Variants in MIGA1 observed in about 807,000 individuals in gnomAD.
MIGA1 encodes mitoguardin 1.
A neutral mutation model predicts 82.0 loss-of-function variants in MIGA1; 58 were observed. The ratio of observed to expected loss-of-function variants is 0.71; its 90% confidence interval spans 0.57 to 0.88. The LOEUF is 0.88. MIGA1 is among the 40% of genes least tolerant of loss of function. The pLI, the probability that MIGA1 is intolerant of heterozygous loss-of-function variation, is 0.00. For missense variants in MIGA1, 751 were observed against 749.1 expected, an observed-to-expected ratio of 1.00 and a Z score of -0.03; for synonymous variants, 249 against 253.6, an observed-to-expected ratio of 0.98 and a Z score of 0.17.
At chr1:77,825,417 C>T (rs1036460745) in intron 7 of MIGA1, among the ~76,000 whole-genome samples, 3 of 152,104 alleles carry the variant, frequency 2.0e-5, no homozygotes, top group Non-Finnish European at 2.9e-5. Context: ...ACTTATAAGA[C>T]CGTTTAGTGC....
At chr1:77,821,983 T>C (rs1191314258) in intron 7 of MIGA1, among the ~76,000 whole-genome samples, 2 of 152,196 alleles carry the variant, frequency 1.3e-5, no homozygotes, top group Non-Finnish European at 2.9e-5. Context: ...TTAATAATAC[T>C]GTGTTGCATA....
chr1:77,793,208 A>G (rs562134816), intron 2 of MIGA1, among the ~76,000 whole-genome samples: 3 of 151,832 alleles, frequency 2.0e-5, no homozygotes, highest in Admixed American at 1.3e-4. Flanking sequence ...GGCTCAAGCA[A>G]TTCTCTCACT....
At chr1:77,780,177 G>A in intron 1 of MIGA1, 1 of 988,896 alleles carries the variant, frequency 1.0e-6, no homozygotes, top group African/African-American at 1.7e-5. Context: ...TGGGGTCGGG[G>A]GAGAGCGCGC....
chr1:77,874,855 C>T lies in MIGA1; in HGVS notation c.1690C>T (p.Leu564Phe). ...TATGTTCATTTTCCAGAATCAAGTT[C>T]TTTTATTTCTCAAAGACATTTTTGA... The change falls in exon 16 of 16, where the codon CTT becomes TTT. Residue 564 changes from leucine to phenylalanine, a missense_variant. By Grantham distance (22) the Leu-to-Phe change is conservative. Coordinates refer to ENST00000370791, the MANE Select transcript of MIGA1 (RefSeq NM_198549.4). 6.2e-7 allele frequency: 1 copy of T among 1,612,476 alleles called. No homozygotes were observed. Among genetic ancestry groups the T allele is most frequent in the Non-Finnish European group, 8.5e-7 (1 of 1,179,154 alleles).
At chr1:77,835,224 A>T (rs1312865351) in intron 7 of MIGA1, among the ~76,000 whole-genome samples, 1 of 152,176 alleles carries the variant, frequency 6.6e-6, no homozygotes, top group East Asian at 1.9e-4. Flanking sequence ...CTCAAGTAAT[A>T]TGTGAATTAT....
chr1:77,787,136 T>C (rs1682197097), intron 2 of MIGA1, among the ~76,000 whole-genome samples: 1 of 152,138 alleles, frequency 6.6e-6, no homozygotes, highest in Non-Finnish European at 1.5e-5. Flanking sequence ...CTCGTGAGAC[T>C]TATGCGCTGT....
chr1:77,796,037 T>C (rs2101729849), intron 2 of MIGA1, among the ~76,000 whole-genome samples: 1 of 152,306 alleles, frequency 6.6e-6, no homozygotes, highest in South Asian at 2.1e-4. Flanking sequence ...ACTCATAATA[T>C]ATTTACTTAT....
intron 10 of MIGA1, 139 bp from the exon 11 acceptor site, chr1:77,859,901 C>T (rs1204098553): frequency 8.5e-6 from 5 of 586,284 alleles, no homozygotes; most frequent in Non-Finnish European, 1.5e-5. Context: ...TAAATTAGGA[C>T]TTTCTCTGTG....
chr1:77,844,165 T>TAGATATAG (rs1553223202), intron 8 of MIGA1, among the ~76,000 whole-genome samples: 2 of 140,332 alleles, frequency 1.4e-5, no homozygotes, highest in African/African-American at 5.2e-5. Context: ...GATAGATAGA[T>TAGATATAG]ATAGATATAT....
intron 1 of MIGA1, chr1:77,779,980 A>G: frequency 7.8e-7 from 1 of 1,282,720 alleles, no homozygotes; most frequent in South Asian, 2.1e-5. Flanking sequence ...TAGTACTTGC[A>G]TAGGAAAGCA....
chr1:77,792,949 C>T (rs59656850), intron 2 of MIGA1, among the ~76,000 whole-genome samples: 6,178 of 151,966 alleles, frequency 0.041, 185 homozygotes, highest in East Asian at 0.15. Context: ...GCACTATGCC[C>T]GGCTAATTTT....
At chr1:77,780,531 T>C (rs1263488948) in intron 1 of MIGA1, among the ~76,000 whole-genome samples, 1 of 152,232 alleles carries the variant, frequency 6.6e-6, no homozygotes, top group East Asian at 1.9e-4. Flanking sequence ...TACTTCAGAC[T>C]TTCCTTCCTG....
At chr1:77,817,955 A>ATTTTTTTT (rs10676009) in intron 7 of MIGA1, among the ~76,000 whole-genome samples, 1 of 115,608 alleles carries the variant, frequency 8.6e-6, no homozygotes, top group Admixed American at 9.3e-5. Flanking sequence ...AGATTGGAAG[A>ATTTTTTTT]TTTTTTTTTT....
At chr1:77,838,285 A>G (rs553296221) in intron 7 of MIGA1, among the ~76,000 whole-genome samples, 1 of 152,260 alleles carries the variant, frequency 6.6e-6, no homozygotes, top group South Asian at 2.1e-4. Flanking sequence ...CACCTGCAGA[A>G]TGAGCAACTG....
At chr1:77,803,901 A>G (rs569987924) in intron 4 of MIGA1, among the ~76,000 whole-genome samples, 2 of 152,274 alleles carry the variant, frequency 1.3e-5, no homozygotes, top group East Asian at 1.9e-4. Context: ...AAAAGTAACT[A>G]AAAGATTATA....
rs781668600 is a variant in MIGA1, at chr1:77,874,929, C to G, written c.1764C>G (p.Leu588=). Residue 588 remains leucine (L), a synonymous_variant, in exon 16 of 16, where the codon CTC becomes CTG. Transcript: ENST00000370791. The stretch of plus-strand genomic sequence containing the variant: ...GTACAGAGACTTTAGCTGAAGACCT[C>G]ATGCAGTTACTCATTCGCCGCACTG... 6.2e-7 allele frequency: 1 copy of G among 1,614,002 alleles called. No individual in the cohort carries two copies. The highest frequency in any genetic ancestry group is 8.5e-7 in the Non-Finnish European group (1 of 1,179,990).
intron 7 of MIGA1, among the ~76,000 whole-genome samples, chr1:77,838,289 G>T (rs1170769198): frequency 6.6e-6 from 1 of 152,014 alleles, no homozygotes; most frequent in African/African-American, 2.4e-5. Context: ...TGCAGAATGA[G>T]CAACTGTCCT....
chr1:77,780,540 T>G (rs984834683), intron 1 of MIGA1, among the ~76,000 whole-genome samples: 2 of 152,212 alleles, frequency 1.3e-5, no homozygotes, highest in Non-Finnish European at 2.9e-5. Flanking sequence ...CTTTCCTTCC[T>G]GTTGGATTAT....
At chr1:77,874,777 A>G (rs1646880984) in intron 15 of MIGA1, 69 bp from the exon 16 acceptor site, 3 of 1,078,022 alleles carry the variant, frequency 2.8e-6, no homozygotes, top group Non-Finnish European at 4.2e-6. Flanking sequence ...TGCTCATTAT[A>G]ATATTAGAAG....
Sources: gnomAD v4.1 joint callset for allele counts (sites outside exome capture counted in the v4.1 genomes callset) on GRCh38, gnomAD v4.1.1 for gene constraint, MANE v1.5 for transcripts, NCBI Gene and HGNC (gene_info 2026-07-23, HGNC 2026-07-21) for gene names.